Variants in PLCE1 observed in about 807,000 individuals in gnomAD.
PLCE1 encodes 1-phosphatidylinositol 4,5-bisphosphate phosphodiesterase epsilon-1.
A neutral mutation model predicts 242.8 loss-of-function variants in PLCE1; 119 were observed. The observed-to-expected ratio is 0.49, with a 90% CI of 0.42 to 0.57. PLCE1 has a LOEUF of 0.57. Ranked by LOEUF, PLCE1 falls within the 20% of genes least tolerant of loss-of-function variation. The pLI, the probability that PLCE1 is intolerant of heterozygous loss-of-function variation, is 0.00. For missense variants in PLCE1, 2,441 were observed against 2,788.8 expected (o/e 0.88, Z 2.81); for synonymous variants, 945 against 1,017.4 (o/e 0.93, Z 1.35).
At chr10:94,075,574 A>C (rs992627365) in intron 2 of PLCE1, among the ~76,000 whole-genome samples, 1 of 152,200 alleles carries the variant, frequency 6.6e-6, no homozygotes, top group Non-Finnish European at 1.5e-5. Flanking sequence ...ATTGGGTGAA[A>C]GCATTGGTAT....
At chr10:94,035,922 T>C (rs1039697584) in intron 2 of PLCE1, among the ~76,000 whole-genome samples, 24 of 152,156 alleles carry the variant, frequency 1.6e-4, no homozygotes, top group African/African-American at 5.6e-4. Flanking sequence ...TCAATCAGAT[T>C]GTAAATCGAT....
chr10:94,032,351 G>T, intron 2 of PLCE1, 99 bp downstream of exon 2: 1 of 1,088,462 alleles, frequency 9.2e-7, no homozygotes, highest in East Asian at 2.5e-5. Flanking sequence ...GAAATTTTAA[G>T]ATCTGTCAAA....
intron 2 of PLCE1, among the ~76,000 whole-genome samples, chr10:94,125,379 G>A (rs2046407524): frequency 6.6e-6 from 1 of 152,138 alleles, no homozygotes; most frequent in African/African-American, 2.4e-5. Context: ...AGTCCTAGCT[G>A]TGTGCACATT....
intron 2 of PLCE1, among the ~76,000 whole-genome samples, chr10:94,069,387 G>A (rs149585899): frequency 6.6e-6 from 1 of 152,262 alleles, no homozygotes; most frequent in East Asian, 1.9e-4. Context: ...ATCACTTGAG[G>A]TCAGGAGTTC....
rs1468390723 is a variant in PLCE1, at chr10:94,088,962, A to G, written c.1207-43212A>G. 3.8e-5 allele frequency: 35 copies of G among 921,782 alleles called. No individual in the cohort carries two copies. The East Asian group carries it at 9.1e-4, about 24-fold the overall frequency. The allele number at this position is 921,782 out of a possible 1,614,324, so 57.1% of individuals were successfully genotyped here. A position where few individuals can be genotyped will look rare whatever the true frequency, so the allele number is the denominator to read the frequency against. ...GGTTTTTGCAATGCCCTGACTCTGG[A>G]TCGCAGCCCTCCCTCGATTCTGGGT... On this transcript the variant is annotated intron_variant, in intron 2 of 32. Transcript: ENST00000371380.
At chr10:94,248,146 C>T (rs1461833718) in intron 8 of PLCE1, among the ~76,000 whole-genome samples, 1 of 151,736 alleles carries the variant, frequency 6.6e-6, no homozygotes, top group Non-Finnish European at 1.5e-5. Flanking sequence ...TGTAATGCCC[C>T]TTCTTTCTTC....
chr10:94,220,642 T>G (rs1023320152), intron 4 of PLCE1, among the ~76,000 whole-genome samples: 14 of 151,886 alleles, frequency 9.2e-5, no homozygotes, highest in Non-Finnish European at 4.4e-5. Flanking sequence ...TTCTGTCACC[T>G]GAAATTCAGC....
At chr10:94,224,406 C>T (rs2049869410) in intron 4 of PLCE1, among the ~76,000 whole-genome samples, 1 of 152,138 alleles carries the variant, frequency 6.6e-6, no homozygotes, top group Non-Finnish European at 1.5e-5. Flanking sequence ...TTAACCCTTT[C>T]CAGCCACTGG....
chr10:94,252,702 T>C (rs933707741), intron 9 of PLCE1, among the ~76,000 whole-genome samples: 6 of 151,980 alleles, frequency 3.9e-5, no homozygotes, highest in African/African-American at 1.2e-4. Context: ...CAGAAGGACA[T>C]AGACATGTAA....
intron 4 of PLCE1, among the ~76,000 whole-genome samples, chr10:94,223,660 G>A (rs2049840478): frequency 6.6e-6 from 1 of 152,142 alleles, no homozygotes; most frequent in East Asian, 1.9e-4. Context: ...GGGTTATGAT[G>A]TCAGGGTAAG....
At chr10:94,258,639 T>C (rs1196281512) in intron 11 of PLCE1, among the ~76,000 whole-genome samples, 161 bp from the exon 12 acceptor site, 2 of 152,326 alleles carry the variant, frequency 1.3e-5, no homozygotes, top group Non-Finnish European at 2.9e-5. Context: ...TGATACAATA[T>C]AGGTTAAGAG....
At chr10:94,079,701 C>A (rs1445355152) in intron 2 of PLCE1, among the ~76,000 whole-genome samples, 1 of 152,178 alleles carries the variant, frequency 6.6e-6, no homozygotes, top group Non-Finnish European at 1.5e-5. Context: ...AATTCTTGCC[C>A]TAAGCCAACT....
intron 1 of PLCE1, among the ~76,000 whole-genome samples, chr10:93,999,470 C>T (rs548247509): frequency 6.6e-6 from 1 of 152,296 alleles, no homozygotes; most frequent in South Asian, 2.1e-4. Context: ...GCTGTTGAGT[C>T]TGACACTATC....
At chr10:94,086,650 T>A (rs555969904) in intron 2 of PLCE1, among the ~76,000 whole-genome samples, 1 of 152,186 alleles carries the variant, frequency 6.6e-6, no homozygotes, top group East Asian at 1.9e-4. Context: ...GTTCAAAATG[T>A]GTATTTATTA....
intron 3 of PLCE1, among the ~76,000 whole-genome samples, chr10:94,134,575 C>T (rs2046707641): frequency 6.6e-6 from 1 of 152,174 alleles, no homozygotes; most frequent in South Asian, 2.1e-4. Flanking sequence ...TCATGTTTTA[C>T]ATGACAAATG....
At chr10:93,994,726 T>C (rs2060787316) in intron 1 of PLCE1, among the ~76,000 whole-genome samples, 1 of 152,226 alleles carries the variant, frequency 6.6e-6, no homozygotes, top group African/African-American at 2.4e-5. Flanking sequence ...AATGCTACAG[T>C]AATAAATACA....
At chr10:94,261,028 CTGTT>C (rs1418990632) in intron 13 of PLCE1, among the ~76,000 whole-genome samples, 3 of 152,140 alleles carry the variant, frequency 2.0e-5, no homozygotes, top group Admixed American at 1.3e-4. Flanking sequence ...TTAGGATTCA[CTGTT>C]TGTGTTGTGC....
At chr10:94,156,514 A>G (rs2047438263) in intron 3 of PLCE1, among the ~76,000 whole-genome samples, 2 of 152,216 alleles carry the variant, frequency 1.3e-5, no homozygotes, top group South Asian at 4.1e-4. Flanking sequence ...TGCATAGAGC[A>G]ACGTGTGGGG....
chr10:94,170,420 AG>A (rs1392859080), intron 3 of PLCE1, among the ~76,000 whole-genome samples: 1 of 152,222 alleles, frequency 6.6e-6, no homozygotes, highest in Non-Finnish European at 1.5e-5. Flanking sequence ...CTCTAATTAC[AG>A]AAATCATTTT....
Sources: gnomAD v4.1 joint callset for allele counts (sites outside exome capture counted in the v4.1 genomes callset) on GRCh38, gnomAD v4.1.1 for gene constraint, MANE v1.5 for transcripts, NCBI Gene and HGNC (gene_info 2026-07-23, HGNC 2026-07-21) for gene names.